HEATR3: variants seen among roughly 807,000 people sequenced by gnomAD.
The protein encoded by HEATR3 is HEAT repeat-containing protein 3.
HEATR3 carries 56 observed loss-of-function variants against 72.8 expected under a neutral mutation model. The ratio of observed to expected loss-of-function variants is 0.77; its 90% CI spans 0.62 to 0.96. The LOEUF is 0.96. Among genes scored for constraint, HEATR3 ranks in the 40% least tolerant of loss-of-function variants. The probability of loss-of-function intolerance (pLI) is 0.00; values close to 1 mark genes in which losing one functional copy is unlikely to be tolerated. For missense variants in HEATR3, 747 were observed against 831.4 expected (o/e 0.90, Z 1.25); for synonymous variants, 331 against 318.1 (o/e 1.04, Z -0.43).
At chr16:50,076,006 GT>G (rs1300202725) in intron 6 of HEATR3, among the ~76,000 whole-genome samples, 10 of 126,056 alleles carry the variant, frequency 7.9e-5, no homozygotes, top group African/African-American at 2.8e-4. Context: ...TGACCACTTA[GT>G]TTTCCATAAG....
intron 11 of HEATR3, among the ~76,000 whole-genome samples, chr16:50,093,554 G>A (rs182119005): frequency 2.0e-5 from 3 of 152,216 alleles, no homozygotes; most frequent in East Asian, 3.9e-4. Context: ...CACATCCTAC[G>A]GTGCCCAGGA....
At chr16:50,072,531 T>G in intron 4 of HEATR3, 74 bp from the exon 5 acceptor site, 1 of 958,856 alleles carries the variant, frequency 1.0e-6, no homozygotes, top group African/African-American at 1.6e-5. Flanking sequence ...GTTTGTTTTT[T>G]TATGGATTGC....
At chr16:50,082,416 G>T (rs2036887355) in intron 7 of HEATR3, among the ~76,000 whole-genome samples, 1 of 152,068 alleles carries the variant, frequency 6.6e-6, no homozygotes, top group Non-Finnish European at 1.5e-5. Context: ...GCAGCAACAT[G>T]TCTTGTTTAG....
chr16:50,092,226 C>T (rs111492863), intron 11 of HEATR3, among the ~76,000 whole-genome samples: 5,717 of 151,790 alleles, frequency 0.038, 360 homozygotes, highest in African/African-American at 0.13. Context: ...GTCCCAGCTA[C>T]TCGGGAGGCT....
intron 4 of HEATR3, among the ~76,000 whole-genome samples, chr16:50,071,795 T>C (rs1355070397): frequency 1.3e-5 from 2 of 152,224 alleles, no homozygotes; most frequent in East Asian, 1.9e-4. Context: ...GTGTATGTTA[T>C]ATGTATGGAG....
At chr16:50,101,411 C>T (rs1034067505) in intron 13 of HEATR3, among the ~76,000 whole-genome samples, 3 of 151,504 alleles carry the variant, frequency 2.0e-5, no homozygotes, top group East Asian at 2.0e-4. Context: ...CCACTGCACC[C>T]GGCAACAGTT....
chr16:50,071,298 A>G lies in HEATR3; in HGVS notation c.512+1008A>G, dbSNP rs1597138811. On this transcript the variant is annotated intron_variant, in intron 4 of 14. Transcript: ENST00000299192. ...AGATGTTTCTTAGAATACAAGATTA[A>G]GTTGGATCCTGAAATGCCTACGTGG... 2.0e-5 allele frequency among the ~76,000 whole-genome samples: 3 copies of G among 152,358 alleles called. No individual in the cohort carries two copies. In the South Asian group the frequency reaches 6.2e-4, roughly 32 times the overall value.
intron 11 of HEATR3, among the ~76,000 whole-genome samples, chr16:50,092,447 T>C (rs1371161723): frequency 4.1e-5 from 6 of 145,166 alleles, no homozygotes; most frequent in East Asian, 3.9e-4. Flanking sequence ...TTTTTTTTTT[T>C]TTTTTCCTGA....
chr16:50,100,289 C>T lies in HEATR3; in HGVS notation c.1659C>T (p.Val553=), dbSNP rs1206621705. Reference sequence around the variant, plus strand: ...AAGCAGGCATTCATAGTAGTAATGTCGGGGTTAGAGTGAATGTCGTTAGCA... The same window carrying T: ...AAGCAGGCATTCATAGTAGTAATGTTGGGGTTAGAGTGAATGTCGTTAGCA... ...LCKAGIHSSN[V]GVRVNVVSIL... Residue 553 remains valine (V), a synonymous_variant, in exon 13 of 15, where the codon GTC becomes GTT. Transcript: ENST00000299192. 2.5e-6 allele frequency: 4 copies of T among 1,613,890 alleles called. No individual in the cohort carries two copies. Among genetic ancestry groups the T allele is most frequent in the Non-Finnish European group, 3.4e-6 (4 of 1,179,850 alleles).
At chr16:50,083,776 G>T (rs1457742186) in intron 7 of HEATR3, among the ~76,000 whole-genome samples, 161 bp from the exon 8 acceptor site, 4 of 152,172 alleles carry the variant, frequency 2.6e-5, no homozygotes, top group Non-Finnish European at 5.9e-5. Context: ...ATGCTCGTTT[G>T]TACTTCTGGC....
At position 50,066,297 on chromosome 16, in the gene HEATR3, A is replaced by G. The variant is rs758919199; in HGVS notation, c.138+28A>G. ...GAGGCGAGGGCTCCGTCGGGCCGGG[A>G]GGCGAGACGAGGTTGCCCCGCGCGC... On this transcript the variant is annotated intron_variant, in intron 1 of 14. Transcript: ENST00000299192. 3.8e-6 allele frequency: 6 copies of G among 1,575,810 alleles called. No individual in the cohort carries two copies. In the East Asian group the frequency reaches 7.0e-5, roughly 18 times the overall value.
chr16:50,075,787 C>T, intron 6 of HEATR3, 76 bp downstream of exon 6: 1 of 1,280,120 alleles, frequency 7.8e-7, no homozygotes, highest in Non-Finnish European at 1.1e-6. Context: ...AAAATTTAGT[C>T]ATTCATTTCA....
At chr16:50,081,785 T>G (rs894139311) in intron 7 of HEATR3, among the ~76,000 whole-genome samples, 18 of 152,304 alleles carry the variant, frequency 1.2e-4, no homozygotes, top group Admixed American at 9.8e-4. Context: ...AAGTTGGTTT[T>G]TTTGTGGGGG....
Position 50,066,095 on chromosome 16 carries a change from CCT to C in HEATR3, c.-31_-30del. On this transcript the variant is annotated 5_prime_UTR_variant, in exon 1 of 15. Coordinates refer to ENST00000299192, the MANE Select transcript of HEATR3 (RefSeq NM_182922.4). The stretch of plus-strand genomic sequence containing the variant: ...AGCCTCCACCGCCTGCTGTTGCCCT[CCT>C]CTCTCGGTGGTCTGTCCGCCCAGCG... The C allele has an allele frequency of 6.4e-7, 1 of 1,560,562 alleles. No homozygotes were observed. Among genetic ancestry groups the C allele is most frequent in the Non-Finnish European group, 8.6e-7 (1 of 1,156,598 alleles).
Position 50,090,888 on chromosome 16 carries a change from T to G in HEATR3, c.1511-3817T>G, listed in dbSNP as rs561699248. On this transcript the variant is annotated intron_variant, in intron 11 of 14. Transcript: ENST00000299192. ...GGCTGGGCGCGGTGGCTCACACCTG[T>G]AATCCCAGCACTTTGATAGGCCAAG... is the stretch of plus-strand genomic sequence containing the variant. Among the ~76,000 whole-genome samples, 9 of 152,276 alleles carry G rather than the reference T, an allele frequency of 5.9e-5. No homozygotes were observed. The South Asian group carries it at 1.9e-3, about 32-fold the overall frequency.
rs2036550540 is a variant in HEATR3, at chr16:50,068,725, A to G, written c.312-55A>G. The G allele has an allele frequency of 1.1e-5, 14 of 1,281,008 alleles. 1 individual carries two copies. The South Asian group carries it at 1.7e-4, about 16-fold the overall frequency. The allele number at this position is 1,281,008 out of a possible 1,614,324, so 79.4% of individuals were successfully genotyped here. On this transcript the variant is annotated intron_variant, in intron 2 of 14. Coordinates refer to ENST00000299192, the MANE Select transcript of HEATR3 (RefSeq NM_182922.4). ...AAAAATAGAAATGTGAGAGGGTAGA[A>G]GTGTTCTGTGACATGTGATGTGAAA...
rs1313406951 is a variant in HEATR3, at chr16:50,105,669, A to C, written c.*608A>C. On this transcript the variant is annotated 3_prime_UTR_variant, in exon 15 of 15. Coordinates refer to ENST00000299192, the MANE Select transcript of HEATR3 (RefSeq NM_182922.4). ...CAGGTTCAAGCGATTCTCATGCCTC[A>C]GCCTCCTGAGTAGCTGGAATTACAG... The C allele has an allele frequency of 6.6e-6, 1 of 151,900 alleles. No individual in the cohort carries two copies. The highest frequency in any genetic ancestry group is 1.9e-4 in the East Asian group (1 of 5,152). 9.4% of individuals were successfully genotyped at this position (151,900 alleles called of 1,614,324 possible). A position where few individuals can be genotyped will look rare whatever the true frequency, so the allele number is the denominator to read the frequency against.
At chr16:50,069,656 C>T (rs193282178) in intron 3 of HEATR3, among the ~76,000 whole-genome samples, 4 of 152,274 alleles carry the variant, frequency 2.6e-5, no homozygotes, top group Admixed American at 2.0e-4. Flanking sequence ...TGGAGAATTT[C>T]AGTAGTACCT....
Position 50,068,772 on chromosome 16 carries a change from T to C in HEATR3, c.312-8T>C. ...GAAAGTAAAACATGTTTTAAACTTC[T>C]TGTGTAGAAATCTCAGTGCTTGTGG... On this transcript the variant is annotated splice_region_variant and splice_polypyrimidine_tract_variant and intron_variant, in intron 2 of 14. Transcript: ENST00000299192. 1 of 1,607,824 alleles carries C rather than the reference T, an allele frequency of 6.2e-7. No individual in the cohort carries two copies. The highest frequency in any genetic ancestry group is 8.5e-7 in the Non-Finnish European group (1 of 1,174,744).
Sources: gnomAD v4.1 joint callset for allele counts (sites outside exome capture counted in the v4.1 genomes callset) on GRCh38, gnomAD v4.1.1 for gene constraint, MANE v1.5 for transcripts, NCBI Gene and HGNC (gene_info 2026-07-23, HGNC 2026-07-21) for gene names.